Variants in CAMTA1 observed in about 807,000 individuals in gnomAD.
CAMTA1 encodes calmodulin binding transcription activator 1, also known as calmodulin-binding transcription activator 1.
Under a neutral mutation model 170.9 loss-of-function variants are expected in CAMTA1, and 27 were observed. The observed-to-expected ratio is 0.16, with a 90% CI of 0.12 to 0.22. The LOEUF (loss-of-function observed/expected upper bound fraction) is 0.22. Among genes scored for constraint, CAMTA1 ranks in the 10% least tolerant of loss-of-function variants. CAMTA1 has a pLI of 1.00. For synonymous variants in CAMTA1, 833 were observed against 891.5 expected, an observed-to-expected ratio of 0.93 and a Z score of 1.17; for missense variants, 1,619 against 2,217.2, an observed-to-expected ratio of 0.73 and a Z score of 5.42.
In CAMTA1 at chr1:7,682,268, A is replaced by C. The variant is rs1216375762; in HGVS notation, c.2914+4535A>C. On this transcript the variant is annotated intron_variant, in intron 11 of 22. Transcript: ENST00000303635. This position sits in a 1 kb window ranked among gnomAD's most constrained non-coding sequence, Gnocchi z 5.0. Reference sequence around the variant, plus strand: ...CTGCTTCCTGGGCAAGCCTCAGTGTAAGGTGGGTGAGCCCAGACAGCTTGC... The same window carrying C: ...CTGCTTCCTGGGCAAGCCTCAGTGTCAGGTGGGTGAGCCCAGACAGCTTGC... Among the ~76,000 whole-genome samples the C allele has an allele frequency of 1.3e-5, 2 of 152,216 alleles. No homozygotes were observed. Among genetic ancestry groups the C allele is most frequent in the Non-Finnish European group, 2.9e-5 (2 of 68,030 alleles).
intron 11 of CAMTA1, among the ~76,000 whole-genome samples, chr1:7,718,554 C>CTTT (rs34752156): frequency 6.5e-5 from 8 of 123,564 alleles, no homozygotes; most frequent in Admixed American, 8.4e-5. Context: ...CATTACAGCA[C>CTTT]TTTTTTTTTT....
chr1:7,194,731 G>C (rs1655188690), intron 4 of CAMTA1, among the ~76,000 whole-genome samples: 1 of 152,174 alleles, frequency 6.6e-6, no homozygotes, highest in African/African-American at 2.4e-5. Context: ...AGCTTAGTAA[G>C]GAGAGGAGAG....
intron 3 of CAMTA1, among the ~76,000 whole-genome samples, chr1:6,870,586 A>G (rs151322191): frequency 1.1e-3 from 162 of 152,342 alleles, no homozygotes; most frequent in African/African-American, 3.5e-3. Flanking sequence ...TTTGGAATTT[A>G]GTTTTAACAA....
intron 6 of CAMTA1, among the ~76,000 whole-genome samples, chr1:7,521,648 A>T (rs2149977797): frequency 6.6e-6 from 1 of 152,110 alleles, no homozygotes; most frequent in South Asian, 2.1e-4. Flanking sequence ...GTCCCAGTTC[A>T]AGCAATTCTC....
At position 7,641,455 on chromosome 1, in the gene CAMTA1, C is replaced by T. The variant is rs139212292; in HGVS notation, c.664+902C>T. Among the ~76,000 whole-genome samples, 10 of 152,206 alleles carry T rather than the reference C, an allele frequency of 6.6e-5. No individual in the cohort carries two copies. The East Asian group carries it at 1.5e-3, about 24-fold the overall frequency. On this transcript the variant is annotated intron_variant, in intron 7 of 22. Coordinates refer to ENST00000303635, the MANE Select transcript of CAMTA1 (RefSeq NM_015215.4). The surrounding 1 kb of genome is among the most constrained non-coding windows in gnomAD (Gnocchi z 4.5). ...AGCAGCTGTTGGTCACCATATACAG[C>T]GGGGGGACTGAAATATTCTTTCTGC...
chr1:7,452,549 G>T (rs891927519), intron 5 of CAMTA1, among the ~76,000 whole-genome samples: 5 of 152,130 alleles, frequency 3.3e-5, no homozygotes, highest in African/African-American at 1.2e-4. Context: ...TCTGCCTCTA[G>T]CGACCACCAA....
intron 6 of CAMTA1, among the ~76,000 whole-genome samples, chr1:7,558,635 A>G (rs1387073618): frequency 6.6e-6 from 1 of 152,190 alleles, no homozygotes; most frequent in Non-Finnish European, 1.5e-5. Context: ...AGCCATGTAC[A>G]TCCCTGTCCC....
chr1:6,917,202 C>A (rs1192073403), intron 3 of CAMTA1, among the ~76,000 whole-genome samples: 2 of 151,846 alleles, frequency 1.3e-5, no homozygotes, highest in Non-Finnish European at 2.9e-5. Context: ...TGAGCCTGTT[C>A]ATGACACTGG....
In CAMTA1 at chr1:7,634,239, G is replaced by A. The variant is rs2095693092; in HGVS notation, c.511-6161G>A. On this transcript the variant is annotated intron_variant, in intron 6 of 22. Transcript: ENST00000303635. This position sits in a 1 kb window ranked among gnomAD's most constrained non-coding sequence, Gnocchi z 6.2. ...ATCAGACTTGGTCATTGCAGGCAGG[G>A]GGTATATGGGAGGATTAGGCTTCCT... Among the ~76,000 whole-genome samples the A allele has an allele frequency of 6.6e-6, 1 of 152,154 alleles. No homozygotes were observed.
At chr1:7,048,756 A>G (rs933758208) in intron 3 of CAMTA1, among the ~76,000 whole-genome samples, 1 of 152,166 alleles carries the variant, frequency 6.6e-6, no homozygotes, top group African/African-American at 2.4e-5. Context: ...TGCAGCTTGC[A>G]CCGCACTCAG....
At chr1:7,230,393 G>C (rs375371722) in intron 4 of CAMTA1, among the ~76,000 whole-genome samples, 17 of 149,028 alleles carry the variant, frequency 1.1e-4, no homozygotes, top group Middle Eastern at 3.5e-3. Context: ...TTGGGCTCCT[G>C]GGTGCTGTGG....
At chr1:7,535,277 A>T (rs1041260203) in intron 6 of CAMTA1, among the ~76,000 whole-genome samples, 1 of 152,010 alleles carries the variant, frequency 6.6e-6, no homozygotes, top group Non-Finnish European at 1.5e-5. Flanking sequence ...CTCTGGGGCG[A>T]TGCCTGCTGA....
chr1:7,095,666 G>T (rs1048926760), intron 4 of CAMTA1, among the ~76,000 whole-genome samples: 1 of 152,238 alleles, frequency 6.6e-6, no homozygotes, highest in Non-Finnish European at 1.5e-5. Context: ...CCAACTAGGA[G>T]AACCAGGCTC....
chr1:6,831,890 A>C (rs1313955807), intron 3 of CAMTA1, among the ~76,000 whole-genome samples: 1 of 150,810 alleles, frequency 6.6e-6, no homozygotes, highest in East Asian at 1.9e-4. Flanking sequence ...AAGCGTCTGC[A>C]GGAGAAAAAA....
intron 4 of CAMTA1, among the ~76,000 whole-genome samples, chr1:7,202,718 A>G (rs1656937315): frequency 6.6e-6 from 1 of 152,172 alleles, no homozygotes. Context: ...TTATTTTTAT[A>G]TATTGATCTT....
chr1:7,350,771 A>G (rs1178890282), intron 5 of CAMTA1, among the ~76,000 whole-genome samples: 1 of 152,154 alleles, frequency 6.6e-6, no homozygotes, highest in Non-Finnish European at 1.5e-5. Context: ...GTACCTGTGT[A>G]TATGCACAAC....
intron 6 of CAMTA1, among the ~76,000 whole-genome samples, chr1:7,518,601 C>T (rs2094319596): frequency 6.6e-6 from 1 of 151,988 alleles, no homozygotes; most frequent in African/African-American, 2.4e-5. Flanking sequence ...GCCCACACTG[C>T]CCTCAGGAGA....
At position 7,577,196 on chromosome 1, in the gene CAMTA1, G is replaced by A. The variant is rs201515299; in HGVS notation, c.511-63204G>A. On this transcript the variant is annotated intron_variant, in intron 6 of 22. Transcript: ENST00000303635. The stretch of plus-strand genomic sequence containing the variant: ...GTGAGATCAGAGGCCTGGAGGAGAC[G>A]TTCCTCAGATCCCTGTCACCTCTGT... Among the ~76,000 whole-genome samples the A allele has an allele frequency of 1.2e-4, 19 of 152,330 alleles. 1 individual carries two copies. The East Asian group carries it at 2.3e-3, about 19-fold the overall frequency.
At chr1:7,081,596 T>C (rs985664666) in intron 3 of CAMTA1, among the ~76,000 whole-genome samples, 7 of 152,178 alleles carry the variant, frequency 4.6e-5, no homozygotes, top group Admixed American at 2.0e-4. Flanking sequence ...GTGCACCCAG[T>C]TTCCAATGCC....
Sources: allele counts gnomAD v4.1 joint callset (sites outside exome capture counted in the v4.1 genomes callset), GRCh38; gene constraint gnomAD v4.1.1; non-coding constraint Gnocchi (gnomAD v3.1); transcripts MANE v1.5; gene names NCBI Gene and HGNC (gene_info 2026-07-23, HGNC 2026-07-21).